SLC44A5: variants seen among roughly 807,000 people sequenced by gnomAD.
SLC44A5 encodes choline transporter-like protein 5.
SLC44A5 carries 57 observed loss-of-function variants against 101.8 expected under a neutral mutation model. The observed-to-expected ratio is 0.56, with a 90% CI of 0.45 to 0.70. SLC44A5 has a LOEUF of 0.70. SLC44A5 is among the 30% of genes least tolerant of loss of function. The probability of loss-of-function intolerance (pLI) is 0.00; values close to 1 mark genes in which losing one functional copy is unlikely to be tolerated. For synonymous variants in SLC44A5, 281 were observed against 290.9 expected (o/e 0.97, Z 0.35); for missense variants, 737 against 853.1 (o/e 0.86, Z 1.70).
chr1:75,472,843 G>C (rs1055547307), intron 2 of SLC44A5, among the ~76,000 whole-genome samples: 8 of 152,096 alleles, frequency 5.3e-5, no homozygotes, highest in Non-Finnish European at 1.5e-5. Flanking sequence ...ATGTTTTGCA[G>C]ACCACCGTGT....
chr1:75,256,505 T>C (rs1414046148), intron 6 of SLC44A5, among the ~76,000 whole-genome samples: 2 of 152,142 alleles, frequency 1.3e-5, no homozygotes, highest in East Asian at 3.8e-4. Context: ...AATAAGAAAG[T>C]AATGGCCTGA....
chr1:75,596,179 A>T (rs777989848), intron 1 of SLC44A5, among the ~76,000 whole-genome samples: 1 of 149,434 alleles, frequency 6.7e-6, no homozygotes, highest in Non-Finnish European at 1.5e-5. Context: ...AACTAAAGTG[A>T]TAGTTCAACA....
intron 1 of SLC44A5, among the ~76,000 whole-genome samples, chr1:75,579,483 A>G (rs754539755): frequency 6.6e-6 from 1 of 152,164 alleles, no homozygotes; most frequent in Non-Finnish European, 1.5e-5. Flanking sequence ...GTAAGTCAGG[A>G]GCTTAGAATA....
the SLC44A5 span, among the ~76,000 whole-genome samples, chr1:75,645,671 C>T: frequency 5.4e-5 from 8 of 148,824 alleles, no homozygotes; most frequent in African/African-American, 1.9e-4. Context: ...GTTGCCATTG[C>T]TGTTGGTGTT....
At chr1:75,467,503 A>G (rs1666887119) in intron 2 of SLC44A5, among the ~76,000 whole-genome samples, 1 of 152,174 alleles carries the variant, frequency 6.6e-6, no homozygotes, top group African/African-American at 2.4e-5. Context: ...AATGGAACAG[A>G]ATAGAGAACA....
chr1:75,682,060 C>T, the SLC44A5 span, among the ~76,000 whole-genome samples: 5 of 152,054 alleles, frequency 3.3e-5, no homozygotes, highest in Non-Finnish European at 7.4e-5. Flanking sequence ...ATGTGAAGGA[C>T]CTCTTCAAGG....
the SLC44A5 span, among the ~76,000 whole-genome samples, chr1:75,702,045 G>A: frequency 6.6e-6 from 1 of 152,028 alleles, no homozygotes; most frequent in Non-Finnish European, 1.5e-5. Flanking sequence ...ATGCTCATGG[G>A]TAGGAAGAAT....
the SLC44A5 span, chr1:75,641,438 C>T: frequency 1.6e-6 from 2 of 1,266,582 alleles, no homozygotes; most frequent in Non-Finnish European, 2.3e-6. Flanking sequence ...ACTACTTCTA[C>T]TGCCAATCTT....
rs189091974 is a variant in SLC44A5 at position 75,610,474 on chromosome 1, C to A, written c.-70+566G>T. Among the ~76,000 whole-genome samples the A allele has an allele frequency of 2.6e-5, 4 of 152,118 alleles. No homozygotes were observed. In the East Asian group the frequency reaches 5.8e-4, roughly 22 times the overall value. On this transcript the variant is annotated intron_variant, in intron 1 of 23. Coordinates refer to ENST00000370859, the MANE Select transcript of SLC44A5 (RefSeq NM_001130058.2). ...TGCTTCAAAAAATAATCCAAGGGAT[C>A]CTTGAGTATTTTTAAAACATGGCAT...
intron 1 of SLC44A5, among the ~76,000 whole-genome samples, chr1:75,565,613 C>T (rs959608970): frequency 1.3e-5 from 2 of 152,200 alleles, no homozygotes; most frequent in African/African-American, 2.4e-5. Context: ...TTCTCCTTCA[C>T]TCCAGGCAGT....
intron 1 of SLC44A5, among the ~76,000 whole-genome samples, chr1:75,580,435 G>C (rs888930356): frequency 2.0e-5 from 3 of 152,280 alleles, no homozygotes; most frequent in East Asian, 1.9e-4. Context: ...ATAGCTGCTT[G>C]TTCATGGTAG....
intron 4 of SLC44A5, among the ~76,000 whole-genome samples, chr1:75,315,830 T>G (rs1655645697): frequency 6.6e-6 from 1 of 152,170 alleles, no homozygotes; most frequent in Non-Finnish European, 1.5e-5. Context: ...CGCCGCTCAC[T>G]CTTTCATCCA....
intron 2 of SLC44A5, among the ~76,000 whole-genome samples, chr1:75,493,406 A>G (rs1195775416): frequency 6.6e-6 from 1 of 152,212 alleles, no homozygotes; most frequent in South Asian, 2.1e-4. Flanking sequence ...TCATCAATAT[A>G]TGTGTAATCT....
At chr1:75,678,345 C>G in the SLC44A5 span, among the ~76,000 whole-genome samples, 3 of 152,166 alleles carry the variant, frequency 2.0e-5, no homozygotes, top group African/African-American at 7.2e-5. Context: ...GTAACCTCTG[C>G]AGACTTAAAT....
the SLC44A5 span, among the ~76,000 whole-genome samples, chr1:75,666,217 C>A: frequency 6.6e-6 from 1 of 152,070 alleles, no homozygotes; most frequent in African/African-American, 2.4e-5. Flanking sequence ...ATGTAATCAA[C>A]CTAAGTGCCC....
intron 3 of SLC44A5, among the ~76,000 whole-genome samples, chr1:75,370,918 C>G (rs1660180363): frequency 6.6e-6 from 1 of 152,148 alleles, no homozygotes; most frequent in South Asian, 2.1e-4. Flanking sequence ...ATCAGTTTTA[C>G]TGGTTGCATG....
intron 23 of SLC44A5, among the ~76,000 whole-genome samples, chr1:75,207,237 G>A (rs991869626): frequency 1.7e-4 from 26 of 152,252 alleles, no homozygotes; most frequent in African/African-American, 6.0e-4. Flanking sequence ...TAAATAGGAT[G>A]AGATAGGGAC....
intron 4 of SLC44A5, among the ~76,000 whole-genome samples, chr1:75,321,782 TC>T (rs1656170812): frequency 6.6e-6 from 1 of 152,238 alleles, no homozygotes; most frequent in Non-Finnish European, 1.5e-5. Flanking sequence ...AGCGACTTTT[TC>T]CTTTTAAATT....
chr1:75,331,977 TC>T (rs1231253801), intron 4 of SLC44A5, among the ~76,000 whole-genome samples: 2 of 152,192 alleles, frequency 1.3e-5, no homozygotes, highest in Non-Finnish European at 2.9e-5. Context: ...TCTGTTTTAC[TC>T]TCTTCCTCTT....
Sources: gnomAD v4.1 joint callset for allele counts (sites outside exome capture counted in the v4.1 genomes callset) on GRCh38, gnomAD v4.1.1 for gene constraint, MANE v1.5 for transcripts, NCBI Gene and HGNC (gene_info 2026-07-23, HGNC 2026-07-21) for gene names.